Variants in ABCA1 observed in about 807,000 individuals in gnomAD.
ABCA1 encodes the protein phospholipid-transporting ATPase ABCA1.
A neutral mutation model predicts 262.5 loss-of-function variants in ABCA1; 133 were observed. That is an observed-to-expected ratio of 0.51 (90% CI 0.44 to 0.59). The LOEUF (loss-of-function observed/expected upper bound fraction) is 0.59, where lower values mean the gene tolerates loss of function less well. Ranked by LOEUF, ABCA1 falls within the 20% of genes least tolerant of loss-of-function variation. ABCA1 has a pLI of 0.00. For synonymous variants in ABCA1, 1,022 were observed against 1,043.5 expected, an observed-to-expected ratio of 0.98 and a Z score of 0.40; for missense variants, 2,452 against 2,777.5, an observed-to-expected ratio of 0.88 and a Z score of 2.63.
chr9:104,802,089 T>C lies in ABCA1; in HGVS notation c.4663A>G (p.Ile1555Val). 2 of 1,614,236 alleles carry C rather than the reference T, an allele frequency of 1.2e-6. No individual in the cohort carries two copies. Among genetic ancestry groups the C allele is most frequent in the East Asian group, 2.2e-5 (1 of 44,878 alleles). ...TTTAGGTGTTTCTTCATTTGTTTGA[T>C]GGCATCATTAACTTCTTGACTCGGA... is the stretch of plus-strand genomic sequence containing the variant. ...LPPSQEVNDA[I>V]KQMKKHLKLA... Residue 1555 changes from isoleucine to valine, a missense_variant, in exon 34 of 50, where the codon ATC (isoleucine) becomes GTC (valine). Ile to Val is a conservative substitution (Grantham distance 29, BLOSUM62 3). Around this residue, in one of 4 missense-constraint regions of ABCA1, gnomAD observed 752 missense variants for 944.5 expected, o/e 0.80. Coordinates refer to ENST00000374736, the MANE Select transcript of ABCA1 (RefSeq NM_005502.4).
At chr9:104,885,607 T>C (rs1839100740) in intron 3 of ABCA1, among the ~76,000 whole-genome samples, 1 of 152,210 alleles carries the variant, frequency 6.6e-6, no homozygotes, top group Non-Finnish European at 1.5e-5. Context: ...CTCCTCTTTC[T>C]TTCTTACAAT....
At chr9:104,827,298 C>A in intron 15 of ABCA1, 129 bp from the exon 16 acceptor site, 1 of 808,194 alleles carries the variant, frequency 1.2e-6, no homozygotes, top group Non-Finnish European at 2.1e-6. Flanking sequence ...TAATGCTGTT[C>A]ATCTTTCTGA....
At chr9:104,822,293 T>C (rs1832433110) in intron 19 of ABCA1, among the ~76,000 whole-genome samples, 1 of 152,218 alleles carries the variant, frequency 6.6e-6, no homozygotes, top group Non-Finnish European at 1.5e-5. Context: ...GGCCCCAGCT[T>C]GTTTTAGGCT....
rs73663554 is a variant in ABCA1, at chr9:104,817,922, T to C, written c.3463-518A>G. ...AAAGGTAAATAAGTGGATAGGAGTT[T>C]CAGGTTGGGATGTAAATACATTAGG... On this transcript the variant is annotated intron_variant, in intron 23 of 49. Transcript: ENST00000374736. This position sits in a 1 kb window ranked among gnomAD's most constrained non-coding sequence, Gnocchi z 4.7. 0.011 allele frequency among the ~76,000 whole-genome samples: 1,700 copies of C among 152,292 alleles called. 40 individuals carry two copies. Among genetic ancestry groups the C allele is most frequent in the African/African-American group, 0.039 (1,636 of 41,550 alleles).
At chr9:104,788,683 C>T in intron 44 of ABCA1, 116 bp from the exon 45 acceptor site, 2 of 1,291,624 alleles carry the variant, frequency 1.5e-6, no homozygotes, top group Non-Finnish European at 2.2e-6. Context: ...ACCAATACAT[C>T]TGCTGCTACT....
chr9:104,921,741 T>A (rs907529281), intron 1 of ABCA1, among the ~76,000 whole-genome samples: 17 of 152,226 alleles, frequency 1.1e-4, no homozygotes, highest in Admixed American at 6.5e-5. Context: ...CTTGTTGGAC[T>A]TATTCAAGTC....
At chr9:104,802,460 T>G (rs914545) in intron 33 of ABCA1, among the ~76,000 whole-genome samples, 140,415 of 152,196 alleles carry the variant, frequency 0.92, 64,927 homozygotes, top group East Asian at 1. Context: ...CAGTGGCTCG[T>G]GTGTGAATGT....
At chr9:104,857,909 ACT>A (rs947042070) in intron 7 of ABCA1, among the ~76,000 whole-genome samples, 3 of 152,020 alleles carry the variant, frequency 2.0e-5, no homozygotes, top group African/African-American at 7.3e-5. Flanking sequence ...TATATAAAAC[ACT>A]CTGATGACCA....
At chr9:104,806,720 T>G (rs936468348) in intron 30 of ABCA1, among the ~76,000 whole-genome samples, 3 of 152,218 alleles carry the variant, frequency 2.0e-5, no homozygotes, top group African/African-American at 7.2e-5. Context: ...ACCAACCATT[T>G]GCTCACACAA....
intron 6 of ABCA1, 83 bp from the exon 7 acceptor site, chr9:104,858,781 C>T: frequency 7.3e-7 from 1 of 1,374,202 alleles, no homozygotes; most frequent in Middle Eastern, 1.8e-4. Flanking sequence ...TTTTGGAGAA[C>T]TTCATATCAA....
chr9:104,839,159 C>G (rs1331405339), intron 9 of ABCA1, among the ~76,000 whole-genome samples: 1 of 152,186 alleles, frequency 6.6e-6, no homozygotes, highest in African/African-American at 2.4e-5. Context: ...TGCCACGAGG[C>G]ATACGGCACA....
intron 6 of ABCA1, 80 bp downstream of exon 6, chr9:104,861,599 G>A: frequency 6.3e-7 from 1 of 1,575,908 alleles, no homozygotes; most frequent in Non-Finnish European, 8.7e-7. Flanking sequence ...ACAAGGACAA[G>A]GGTTTATTCA....
chr9:104,795,603 T>A (rs748079168), intron 39 of ABCA1, among the ~76,000 whole-genome samples: 12 of 152,170 alleles, frequency 7.9e-5, no homozygotes, highest in Non-Finnish European at 1.8e-4. Flanking sequence ...GGGGTATCTA[T>A]ATACTATCTA....
Position 104,861,618 on chromosome 9 carries a change from C to T in ABCA1, c.543+61G>A, listed in dbSNP as rs1836392969. On this transcript the variant is annotated intron_variant, in intron 6 of 49. Transcript: ENST00000374736. ...GGACAAGGGTTTATTCATTTCTTTCCAGTAGCTGCACAACGTAATTGCCAT... is the reference window on the plus strand; with the variant it reads ...GGACAAGGGTTTATTCATTTCTTTCTAGTAGCTGCACAACGTAATTGCCAT... 1.9e-6 allele frequency: 3 copies of T among 1,608,984 alleles called. No individual in the cohort carries two copies. In the Admixed American group the frequency reaches 5.0e-5, roughly 27 times the overall value.
chr9:104,818,115 T>C (rs760022980), intron 23 of ABCA1, among the ~76,000 whole-genome samples: 2 of 151,158 alleles, frequency 1.3e-5, no homozygotes, highest in Non-Finnish European at 2.9e-5. Flanking sequence ...GGATAATAAA[T>C]ATAGTTACCT....
At chr9:104,921,345 C>G (rs967165889) in intron 1 of ABCA1, among the ~76,000 whole-genome samples, 12 of 152,080 alleles carry the variant, frequency 7.9e-5, no homozygotes, top group African/African-American at 2.7e-4. Context: ...AAGAATAGAT[C>G]CAATGCATAT....
intron 2 of ABCA1, among the ~76,000 whole-genome samples, chr9:104,891,652 G>A (rs960418487): frequency 3.3e-5 from 5 of 151,420 alleles, no homozygotes; most frequent in Admixed American, 2.0e-4. Context: ...GATAATGACA[G>A]TGGATGTACT....
At chr9:104,881,064 G>A (rs554103235) in intron 5 of ABCA1, among the ~76,000 whole-genome samples, 8 of 152,202 alleles carry the variant, frequency 5.3e-5, no homozygotes, top group East Asian at 3.9e-4. Flanking sequence ...CAGGAGAATC[G>A]CTTGAACCCA....
chr9:104,912,174 T>A (rs1169614521), intron 1 of ABCA1, among the ~76,000 whole-genome samples: 1 of 152,276 alleles, frequency 6.6e-6, no homozygotes, highest in Non-Finnish European at 1.5e-5. Context: ...AATCTATGAA[T>A]ATTGTACAAA....
Sources: allele counts gnomAD v4.1 joint callset (sites outside exome capture counted in the v4.1 genomes callset), GRCh38; gene constraint gnomAD v4.1.1; regional missense constraint gnomAD v4.1.1; non-coding constraint Gnocchi (gnomAD v3.1); transcripts MANE v1.5; gene names NCBI Gene and HGNC (gene_info 2026-07-23, HGNC 2026-07-21).